The following NSL1 variants were observed in gnomAD, a reference collection of about 807,000 sequenced individuals.
The protein encoded by NSL1 is kinetochore-associated protein NSL1 homolog.
NSL1 carries 11 observed loss-of-function variants against 25.4 expected under a neutral mutation model. The observed-to-expected ratio is 0.43, with a 90% CI of 0.27 to 0.72. The LOEUF (loss-of-function observed/expected upper bound fraction) is 0.72. NSL1 is among the 30% of genes least tolerant of loss of function. NSL1 has a pLI of 0.19. For synonymous variants in NSL1, 118 were observed against 120.6 expected (o/e 0.98, Z 0.14); for missense variants, 330 against 342.7 (o/e 0.96, Z 0.29).
intron 4 of NSL1, among the ~76,000 whole-genome samples, chr1:212,758,603 G>A (rs1297442065): frequency 2.6e-5 from 4 of 152,192 alleles, no homozygotes; most frequent in Non-Finnish European, 5.9e-5. Flanking sequence ...CACAAAAGAA[G>A]TGCTAAAAGC....
intron 4 of NSL1, among the ~76,000 whole-genome samples, chr1:212,773,153 C>G (rs1332379903): frequency 6.6e-6 from 1 of 152,098 alleles, no homozygotes; most frequent in African/African-American, 2.4e-5. Context: ...GCTAGGACCT[C>G]AAAAGCACAG....
chr1:212,771,705 T>C (rs940524033), intron 4 of NSL1, among the ~76,000 whole-genome samples: 3 of 150,862 alleles, frequency 2.0e-5, no homozygotes, highest in Non-Finnish European at 4.4e-5. Context: ...AGTGTTTCTA[T>C]ACACCAATAA....
intron 4 of NSL1, among the ~76,000 whole-genome samples, chr1:212,779,572 C>T (rs1660595807): frequency 8.4e-6 from 1 of 118,554 alleles, no homozygotes; most frequent in Non-Finnish European, 1.8e-5. Flanking sequence ...TGTCAGCCCC[C>T]CACCCGGCCA....
chr1:212,780,574 A>C (rs1007791372), intron 4 of NSL1, among the ~76,000 whole-genome samples: 9 of 152,070 alleles, frequency 5.9e-5, no homozygotes, highest in African/African-American at 2.2e-4. Flanking sequence ...TATTACAATA[A>C]AGGAAAAAAA....
intron 4 of NSL1, among the ~76,000 whole-genome samples, chr1:212,745,063 G>A (rs1485259269): frequency 2.0e-5 from 3 of 151,670 alleles, no homozygotes; most frequent in Non-Finnish European, 4.4e-5. Flanking sequence ...TTGAACCTGG[G>A]AGGCCGAGGT....
At chr1:212,779,231 T>G (rs1232849349) in intron 4 of NSL1, among the ~76,000 whole-genome samples, 4 of 140,416 alleles carry the variant, frequency 2.8e-5, no homozygotes, top group East Asian at 4.3e-4. Flanking sequence ...GGGAGGGAGG[T>G]GGGGGGTGGG....
chr1:212,764,141 C>T, intron 4 of NSL1: 1 of 239,246 alleles, frequency 4.2e-6, no homozygotes, highest in Non-Finnish European at 8.6e-6. Context: ...CAAAATTATA[C>T]AAATACATGG....
intron 4 of NSL1, among the ~76,000 whole-genome samples, chr1:212,765,168 T>C (rs1659747448): frequency 6.6e-6 from 1 of 152,072 alleles, no homozygotes; most frequent in Non-Finnish European, 1.5e-5. Context: ...CAAAGAAGAA[T>C]TATTACCAAT....
At position 212,727,544 on chromosome 1, in the gene NSL1, A is replaced by G. The variant is rs1285322452; in HGVS notation, c.*10864T>C. ...TACCACTGGAGAGAAAGGACAATGA[A>G]TTAGACGTGTGCCACATACTTCTCT... On this transcript the variant is annotated 3_prime_UTR_variant, in exon 6 of 6. Coordinates refer to ENST00000366977, the MANE Select transcript of NSL1 (RefSeq NM_015471.4). 1.0e-6 allele frequency: 1 copy of G among 985,328 alleles called. No homozygotes were observed. Among genetic ancestry groups the G allele is most frequent in the Non-Finnish European group, 1.2e-6 (1 of 829,932 alleles). The allele number at this position is 985,328 out of a possible 1,614,324, so 61.0% of individuals were successfully genotyped here.
intron 4 of NSL1, among the ~76,000 whole-genome samples, chr1:212,767,030 A>G (rs914465695): frequency 9.8e-5 from 15 of 152,312 alleles, no homozygotes; most frequent in African/African-American, 3.6e-4. Context: ...CGCAATCTAC[A>G]AATTCAACGC....
chr1:212,766,505 C>T (rs182338573), intron 4 of NSL1, among the ~76,000 whole-genome samples: 3,002 of 151,758 alleles, frequency 0.02, 111 homozygotes, highest in African/African-American at 0.07. Context: ...ATTAGCCAGG[C>T]ATGGTGGCAG....
chr1:212,766,265 C>T (rs571778897), intron 4 of NSL1: 15 of 633,484 alleles, frequency 2.4e-5, no homozygotes, highest in African/African-American at 9.3e-5. Context: ...AAAGCATTCC[C>T]GTTGAGAACT....
chr1:212,778,944 AG>A (rs1660525452), intron 4 of NSL1, among the ~76,000 whole-genome samples: 1 of 141,432 alleles, frequency 7.1e-6, no homozygotes, highest in African/African-American at 2.7e-5. Context: ...CATCCCATCT[AG>A]GAAGTGAGGA....
At chr1:212,757,938 A>T (rs2102450518) in intron 4 of NSL1, among the ~76,000 whole-genome samples, 1 of 152,326 alleles carries the variant, frequency 6.6e-6, no homozygotes, top group East Asian at 1.9e-4. Context: ...TTTCCAAGGT[A>T]AAGGCAGCAG....
rs1571857477 is a variant in NSL1 at position 212,733,524 on chromosome 1, A to G, written c.*4884T>C. The stretch of plus-strand genomic sequence containing the variant: ...TCTTTCCAGCCTTAGGCAGTGACAG[A>G]TCTATTTTTTGTTTCTGTAGATTTG... On this transcript the variant is annotated 3_prime_UTR_variant, in exon 6 of 6. Coordinates refer to ENST00000366977, the MANE Select transcript of NSL1 (RefSeq NM_015471.4). 6.6e-6 allele frequency among the ~76,000 whole-genome samples: 1 copy of G among 151,568 alleles called. No individual in the cohort carries two copies. The highest frequency in any genetic ancestry group is 2.4e-5 in the African/African-American group (1 of 41,266).
intron 4 of NSL1, chr1:212,781,952 T>C: frequency 2.4e-6 from 1 of 412,682 alleles, no homozygotes; most frequent in Non-Finnish European, 4.8e-6. Flanking sequence ...TTAAATTCAA[T>C]ATATTTTTAT....
At chr1:212,761,717 CACAG>C (rs374387231) in intron 4 of NSL1, among the ~76,000 whole-genome samples, 76 of 152,110 alleles carry the variant, frequency 5.0e-4, no homozygotes, top group African/African-American at 1.8e-3. Context: ...TCCAAGAGAA[CACAG>C]ACAAACACAA....
rs565026960 is a variant in NSL1, at chr1:212,736,315, G to A, written c.*2093C>T. ...CTGGGATTACAGGCATGAGCCCACC[G>A]CGCCTGGCTATTTCTTTTCTGAAAG... On this transcript the variant is annotated 3_prime_UTR_variant, in exon 6 of 6. Transcript: ENST00000366977. The A allele has an allele frequency of 1.4e-4, 138 of 982,794 alleles. No homozygotes were observed. Among genetic ancestry groups the A allele is most frequent in the Non-Finnish European group, 1.5e-4 (123 of 827,538 alleles). 60.9% of individuals were successfully genotyped at this position (982,794 alleles called of 1,614,324 possible).
chr1:212,779,492 C>A lies in NSL1; in HGVS notation c.499+2880G>T, dbSNP rs1221093931. 2.4e-5 allele frequency among the ~76,000 whole-genome samples: 3 copies of A among 124,262 alleles called. 1 individual carries two copies. The highest frequency in any genetic ancestry group is 5.2e-5 in the Non-Finnish European group (3 of 57,974). The allele number at this position is 124,262 out of a possible 152,430, so 81.5% of individuals were successfully genotyped here. On this transcript the variant is annotated intron_variant, in intron 4 of 5. Transcript: ENST00000366977. Reference sequence around the variant, plus strand: ...AGCCCCTCTGCACGGCCAGCCGCCCCGTCCGGGAGGGAGGTGGGGGGGTCA... The same window carrying A: ...AGCCCCTCTGCACGGCCAGCCGCCCAGTCCGGGAGGGAGGTGGGGGGGTCA...
Sources: allele counts gnomAD v4.1 joint callset (sites outside exome capture counted in the v4.1 genomes callset), GRCh38; gene constraint gnomAD v4.1.1; transcripts MANE v1.5; gene names NCBI Gene and HGNC (gene_info 2026-07-23, HGNC 2026-07-21).